Variants in ATF2 observed in about 807,000 individuals in gnomAD.
ATF2 encodes the protein activating transcription factor 2, also known as cyclic AMP-dependent transcription factor ATF-2.
A neutral mutation model predicts 60.6 loss-of-function variants in ATF2; 24 were observed. That is an observed-to-expected ratio of 0.40 (90% CI 0.29 to 0.56). The LOEUF (loss-of-function observed/expected upper bound fraction) is 0.56. Ranked by LOEUF, ATF2 falls within the 20% of genes least tolerant of loss-of-function variation. ATF2 has a pLI of 0.54. For synonymous variants in ATF2, 206 were observed against 215.4 expected (o/e 0.96, Z 0.38); for missense variants, 433 against 607.7 (o/e 0.71, Z 3.02).
At position 175,141,847 on chromosome 2, in the gene ATF2, T is replaced by C. The variant is rs143764116; in HGVS notation, c.-43-5361A>G. The stretch of plus-strand genomic sequence containing the variant: ...TACAAAAATCTTAACATGTATGCTA[T>C]CTACATGTGTTACTTCAGAAAAAAA... On this transcript the variant is annotated intron_variant, in intron 2 of 13. Coordinates refer to ENST00000264110, the MANE Select transcript of ATF2 (RefSeq NM_001880.4). 1.1e-4 allele frequency among the ~76,000 whole-genome samples: 17 copies of C among 152,222 alleles called. 3 individuals are homozygous for C. Among genetic ancestry groups the C allele is most frequent in the African/African-American group, 3.9e-4 (16 of 41,532 alleles).
chr2:175,083,765 G>C (rs547926139), intron 12 of ATF2, among the ~76,000 whole-genome samples: 66 of 152,000 alleles, frequency 4.3e-4, no homozygotes, highest in Non-Finnish European at 7.7e-4. Flanking sequence ...GGCTAATATC[G>C]AGAATCTACA....
chr2:175,163,043 A>C (rs967763955), intron 1 of ATF2, among the ~76,000 whole-genome samples: 2 of 152,110 alleles, frequency 1.3e-5, no homozygotes, highest in African/African-American at 4.8e-5. Flanking sequence ...CTGAGGCAGG[A>C]GAATGGCATG....
chr2:175,088,064 C>T (rs1404840754), intron 12 of ATF2, among the ~76,000 whole-genome samples: 1 of 152,182 alleles, frequency 6.6e-6, no homozygotes, highest in African/African-American at 2.4e-5. Context: ...AGTTACAACA[C>T]TGTTCTATAC....
At chr2:175,086,243 A>G (rs1694158135) in intron 12 of ATF2, among the ~76,000 whole-genome samples, 2 of 152,194 alleles carry the variant, frequency 1.3e-5, no homozygotes, top group Non-Finnish European at 2.9e-5. Context: ...TTGTATTATT[A>G]CTGTACTCTA....
At chr2:175,076,139 C>CT (rs1693276232) in intron 13 of ATF2, among the ~76,000 whole-genome samples, 1 of 152,094 alleles carries the variant, frequency 6.6e-6, no homozygotes, top group African/African-American at 2.4e-5. Context: ...GTAGTGTCAA[C>CT]TTTAGCTAAA....
At chr2:175,087,038 T>C (rs1694218074) in intron 12 of ATF2, among the ~76,000 whole-genome samples, 3 of 151,974 alleles carry the variant, frequency 2.0e-5, no homozygotes, top group Non-Finnish European at 4.4e-5. Context: ...ATCAAGGGGA[T>C]GTTCAGCCAC....
chr2:175,109,171 A>T (rs1169712971), intron 10 of ATF2, among the ~76,000 whole-genome samples: 3 of 112,840 alleles, frequency 2.7e-5, no homozygotes, highest in African/African-American at 4.7e-5. Context: ...TGATCAATAA[A>T]AAAAAAAAAA....
intron 10 of ATF2, among the ~76,000 whole-genome samples, chr2:175,110,275 C>T (rs753057002): frequency 2.0e-4 from 31 of 152,080 alleles, no homozygotes; most frequent in Non-Finnish European, 2.9e-4. Flanking sequence ...GCGGAGGTTG[C>T]AGTGAGCTGA....
At chr2:175,123,053 T>C (rs959355639) in intron 4 of ATF2, among the ~76,000 whole-genome samples, 15 of 152,054 alleles carry the variant, frequency 9.9e-5, no homozygotes, top group African/African-American at 3.6e-4. Context: ...ACTTGACATA[T>C]TCATTCACTC....
At chr2:175,159,814 T>C (rs1333488623) in intron 1 of ATF2, among the ~76,000 whole-genome samples, 2 of 152,196 alleles carry the variant, frequency 1.3e-5, no homozygotes, top group African/African-American at 2.4e-5. Flanking sequence ...GTAATAATTA[T>C]GAATATAAAC....
chr2:175,140,752 G>A (rs941285728), intron 2 of ATF2, among the ~76,000 whole-genome samples: 1 of 150,554 alleles, frequency 6.6e-6, no homozygotes, highest in African/African-American at 2.4e-5. Context: ...ACTTTGGGGT[G>A]CCGAGGCAGA....
At chr2:175,146,777 C>T (rs976795916) in intron 2 of ATF2, among the ~76,000 whole-genome samples, 10 of 151,902 alleles carry the variant, frequency 6.6e-5, no homozygotes, top group African/African-American at 2.2e-4. Flanking sequence ...GCTATATATG[C>T]TACCTGCTCA....
intron 4 of ATF2, among the ~76,000 whole-genome samples, chr2:175,125,196 G>A (rs1213318602): frequency 6.6e-6 from 1 of 151,992 alleles, no homozygotes; most frequent in East Asian, 1.9e-4. Flanking sequence ...AAAAGACTGT[G>A]TGAAAAAGCA....
At chr2:175,153,019 G>A (rs1018172803) in intron 1 of ATF2, among the ~76,000 whole-genome samples, 2 of 152,126 alleles carry the variant, frequency 1.3e-5, no homozygotes, top group East Asian at 1.9e-4. Context: ...ACTCACAAAA[G>A]ACCAGGTACA....
chr2:175,113,065 T>C (rs1409692844), intron 9 of ATF2, among the ~76,000 whole-genome samples: 1 of 152,160 alleles, frequency 6.6e-6, no homozygotes, highest in Non-Finnish European at 1.5e-5. Flanking sequence ...GTAAATGATT[T>C]AGATGAAAAA....
At chr2:175,077,269 T>C (rs985735459) in intron 13 of ATF2, among the ~76,000 whole-genome samples, 2 of 152,202 alleles carry the variant, frequency 1.3e-5, no homozygotes, top group African/African-American at 4.8e-5. Flanking sequence ...CATTTGCATG[T>C]GCCTTTATAG....
intron 4 of ATF2, among the ~76,000 whole-genome samples, chr2:175,125,562 T>C (rs1697274183): frequency 6.6e-6 from 1 of 152,138 alleles, no homozygotes; most frequent in Admixed American, 6.5e-5. Context: ...TAGAAACGTG[T>C]AAACATTTAA....
In ATF2 at chr2:175,124,294, GA is replaced by G. The variant is rs68167468; in HGVS notation, c.103-2755del. Among the ~76,000 whole-genome samples, 265 of 142,454 alleles carry G rather than the reference GA, an allele frequency of 1.9e-3. 2 individuals carry two copies. Among genetic ancestry groups the G allele is most frequent in the African/African-American group, 6.1e-3 (237 of 38,596 alleles). The allele number at this position is 142,454 out of a possible 152,430, so 93.5% of individuals were successfully genotyped here. A position where few individuals can be genotyped will look rare whatever the true frequency, so the allele number is the denominator to read the frequency against. On this transcript the variant is annotated intron_variant, in intron 4 of 13. Coordinates refer to ENST00000264110, the MANE Select transcript of ATF2 (RefSeq NM_001880.4). The stretch of plus-strand genomic sequence containing the variant: ...CAATGGAAAAAGTGAAAAAAAAAAA[GA>G]TTTTTTTTTTTGATAGGTGCCTAGC...
At chr2:175,137,501 A>G (rs1698220981) in intron 2 of ATF2, among the ~76,000 whole-genome samples, 1 of 152,214 alleles carries the variant, frequency 6.6e-6, no homozygotes, top group Non-Finnish European at 1.5e-5. Context: ...TACAAGGAAT[A>G]TTTAAACATC....
Sources: gnomAD v4.1 joint callset for allele counts (sites outside exome capture counted in the v4.1 genomes callset) on GRCh38, gnomAD v4.1.1 for gene constraint, MANE v1.5 for transcripts, NCBI Gene and HGNC (gene_info 2026-07-23, HGNC 2026-07-21) for gene names.